The following MDGA1 variants were observed in gnomAD, a reference collection of about 807,000 sequenced individuals.
MDGA1 encodes the protein MAM domain-containing glycosylphosphatidylinositol anchor protein 1.
MDGA1 carries 54 observed loss-of-function variants against 101.5 expected under a neutral mutation model. The ratio of observed to expected loss-of-function variants is 0.53; its 90% CI spans 0.43 to 0.67. The LOEUF (loss-of-function observed/expected upper bound fraction) is 0.67. MDGA1 is among the 30% of genes least tolerant of loss of function. The probability of loss-of-function intolerance (pLI) is 0.00; values close to 1 mark genes in which losing one functional copy is unlikely to be tolerated. For synonymous variants in MDGA1, 533 were observed against 558.3 expected, an observed-to-expected ratio of 0.95 and a Z score of 0.64; for missense variants, 1,083 against 1,323.8, an observed-to-expected ratio of 0.82 and a Z score of 2.82.
At chr6:37,664,168 G>T in intron 1 of MDGA1, 62 bp from the exon 2 acceptor site, 4 of 1,603,624 alleles carry the variant, frequency 2.5e-6, no homozygotes, top group Non-Finnish European at 3.4e-6. Flanking sequence ...AAGAAGTCTG[G>T]GGCTCCCTCC....
rs1285970906 is a variant in MDGA1, at chr6:37,652,566, G to A, written c.983-226C>T. Among the ~76,000 whole-genome samples the A allele has an allele frequency of 3.0e-4, 46 of 152,316 alleles. 3 individuals are homozygous for A. The highest frequency in any genetic ancestry group is 7.4e-5 in the Non-Finnish European group (5 of 68,026). On this transcript the variant is annotated intron_variant, in intron 6 of 16. Transcript: ENST00000434837. The surrounding 1 kb of genome is among the most constrained non-coding windows in gnomAD (Gnocchi z 4.3). ...AAGGTCACTGCAGAAAAGCAGTTTT[G>A]GTAATAACAGAATATACACTATGTG... is the stretch of plus-strand genomic sequence containing the variant.
rs200912342 is a variant in MDGA1 at position 37,663,929 on chromosome 6, G to C, written c.207+38C>G. The C allele has an allele frequency of 5.0e-4, 811 of 1,611,538 alleles. 2 individuals carry two copies. Among genetic ancestry groups the C allele is most frequent in the Middle Eastern group, 1.8e-3 (11 of 5,956 alleles). The stretch of plus-strand genomic sequence containing the variant: ...AGTGCTGAGCCTAGGCAAGGTGAGG[G>C]TAGGAGGGGCCTGAGCAAGGCTGGG... On this transcript the variant is annotated intron_variant, in intron 2 of 16. Transcript: ENST00000434837.
chr6:37,660,035 T>G (rs111493350), intron 2 of MDGA1, among the ~76,000 whole-genome samples: 17 of 69,938 alleles, frequency 2.4e-4, no homozygotes, highest in Non-Finnish European at 6.7e-5. Context: ...TTTATCTCTC[T>G]CTTTTTTTTT....
intron 1 of MDGA1, among the ~76,000 whole-genome samples, chr6:37,686,208 G>A (rs899649292): frequency 1.3e-5 from 2 of 152,116 alleles, no homozygotes; most frequent in African/African-American, 2.4e-5. Flanking sequence ...AGACTCAGCC[G>A]ACAGGCCTGC....
At chr6:37,656,440 A>G (rs1761489338) in intron 3 of MDGA1, among the ~76,000 whole-genome samples, 1 of 150,966 alleles carries the variant, frequency 6.6e-6, no homozygotes, top group Non-Finnish European at 1.5e-5. Flanking sequence ...TGGCGCAATC[A>G]TCGCTCACTG....
intron 1 of MDGA1, among the ~76,000 whole-genome samples, chr6:37,689,730 T>C (rs1762270312): frequency 6.6e-6 from 1 of 152,216 alleles, no homozygotes; most frequent in Non-Finnish European, 1.5e-5. Flanking sequence ...GTTATCACTG[T>C]GTGCCAAGTC....
Position 37,688,131 on chromosome 6 carries a change from G to A in MDGA1, c.67+8614C>T, listed in dbSNP as rs115876720. On this transcript the variant is annotated intron_variant, in intron 1 of 16. Coordinates refer to ENST00000434837, the MANE Select transcript of MDGA1 (RefSeq NM_153487.4). Reference sequence around the variant, plus strand: ...CTTGGGCAGTAACCTGGAAAACCAGGAAATGCCCTCAGAAAGTCCAAGGGA... The same window carrying A: ...CTTGGGCAGTAACCTGGAAAACCAGAAAATGCCCTCAGAAAGTCCAAGGGA... Among the ~76,000 whole-genome samples, 317 of 152,350 alleles carry A rather than the reference G, an allele frequency of 2.1e-3. 1 individual carries two copies. Among genetic ancestry groups the A allele is most frequent in the African/African-American group, 7.4e-3 (306 of 41,582 alleles).
chr6:37,678,367 C>A (rs965555120), intron 1 of MDGA1, among the ~76,000 whole-genome samples: 1 of 152,126 alleles, frequency 6.6e-6, no homozygotes, highest in Admixed American at 6.5e-5. Flanking sequence ...TCTTAGCCCC[C>A]ACTCCCGAGG....
At chr6:37,656,022 C>T in intron 3 of MDGA1, 126 bp from the exon 4 acceptor site, 2 of 728,644 alleles carry the variant, frequency 2.7e-6, no homozygotes, top group African/African-American at 3.5e-5. Context: ...GCCAGATGCC[C>T]TCTCAGCCCT....
chr6:37,674,770 T>C (rs1761942911), intron 1 of MDGA1, among the ~76,000 whole-genome samples: 1 of 152,148 alleles, frequency 6.6e-6, no homozygotes, highest in Non-Finnish European at 1.5e-5. Flanking sequence ...AAACTGCTAA[T>C]GATTGCTGGG....
At chr6:37,683,042 T>C (rs1422971954) in intron 1 of MDGA1, among the ~76,000 whole-genome samples, 2 of 152,218 alleles carry the variant, frequency 1.3e-5, no homozygotes, top group African/African-American at 2.4e-5. Context: ...AGCAGTCTTC[T>C]AGTCTAGACT....
At chr6:37,672,355 G>C (rs944195841) in intron 1 of MDGA1, among the ~76,000 whole-genome samples, 4 of 151,716 alleles carry the variant, frequency 2.6e-5, no homozygotes, top group South Asian at 2.1e-4. Context: ...AGGGAGGATT[G>C]CTTGAGCTCA....
chr6:37,691,445 G>A (rs969547613), intron 1 of MDGA1, among the ~76,000 whole-genome samples: 4 of 152,198 alleles, frequency 2.6e-5, no homozygotes, highest in African/African-American at 9.7e-5. Flanking sequence ...ATAAGGGATT[G>A]TTGTTCTGAC....
rs1761303268 is a variant in MDGA1, at chr6:37,649,358, G to C, written c.1610-92C>G. 4 of 1,392,764 alleles carry C rather than the reference G, an allele frequency of 2.9e-6. No individual in the cohort carries two copies. The South Asian group carries it at 6.3e-5, about 22-fold the overall frequency. 86.3% of individuals were successfully genotyped at this position (1,392,764 alleles called of 1,614,324 possible). ...GGGAGGCAACGCGCTCGCCTCTAAT[G>C]CCGTGAGCCCCCGCCAGGAAAAATC... On this transcript the variant is annotated intron_variant, in intron 8 of 16. Coordinates refer to ENST00000434837, the MANE Select transcript of MDGA1 (RefSeq NM_153487.4).
chr6:37,656,266 C>G (rs1358645421), intron 3 of MDGA1, among the ~76,000 whole-genome samples: 2 of 151,774 alleles, frequency 1.3e-5, no homozygotes, highest in African/African-American at 4.8e-5. Flanking sequence ...TTAGTAGAGG[C>G]GGGGTTTCAC....
At chr6:37,687,095 C>A (rs1183167935) in intron 1 of MDGA1, among the ~76,000 whole-genome samples, 3 of 152,090 alleles carry the variant, frequency 2.0e-5, no homozygotes, top group Non-Finnish European at 2.9e-5. Flanking sequence ...GGGCCCTGGG[C>A]AAGTCACTCA....
chr6:37,677,260 C>T (rs915557042), intron 1 of MDGA1, among the ~76,000 whole-genome samples: 4 of 152,124 alleles, frequency 2.6e-5, no homozygotes, highest in African/African-American at 7.2e-5. Context: ...TCAAACTTTC[C>T]GTCACACAAC....
At chr6:37,644,435 C>A (rs572005679) in intron 13 of MDGA1, 62 bp downstream of exon 13, 15 of 1,439,256 alleles carry the variant, frequency 1.0e-5, no homozygotes, top group Middle Eastern at 4.1e-4. Context: ...GTCTGGGGTG[C>A]CCTGGGCCTA....
At chr6:37,681,847 C>T (rs1762103346) in intron 1 of MDGA1, among the ~76,000 whole-genome samples, 1 of 152,226 alleles carries the variant, frequency 6.6e-6, no homozygotes, top group African/African-American at 2.4e-5. Flanking sequence ...GCAGCCCCTG[C>T]TCCCTCAAGT....
Sources: allele counts gnomAD v4.1 joint callset (sites outside exome capture counted in the v4.1 genomes callset), GRCh38; gene constraint gnomAD v4.1.1; non-coding constraint Gnocchi (gnomAD v3.1); transcripts MANE v1.5; gene names NCBI Gene and HGNC (gene_info 2026-07-23, HGNC 2026-07-21).